TBC1D9: variants seen among roughly 807,000 people sequenced by gnomAD.
The protein encoded by TBC1D9 is TBC1 domain family member 9A.
A neutral mutation model predicts 132.0 loss-of-function variants in TBC1D9; 63 were observed. The observed-to-expected ratio is 0.48, with a 90% CI of 0.39 to 0.59. TBC1D9 has a LOEUF of 0.59. TBC1D9 is among the 20% of genes least tolerant of loss of function. The pLI is 0.00. For synonymous variants in TBC1D9, 610 were observed against 609.9 expected (o/e 1.00, Z 0.00); for missense variants, 1,261 against 1,592.7 (o/e 0.79, Z 3.54).
In TBC1D9 at chr4:140,662,009, C is replaced by T; in HGVS notation, c.1687G>A (p.Asp563Asn). Residue 563 changes from aspartate (D) to asparagine (N), a missense_variant, in exon 10 of 21, where the codon GAT becomes AAT. Asp to Asn is a conservative substitution (Grantham distance 23, BLOSUM62 1). This residue lies in a region of TBC1D9 where 93 missense variants were observed against 169.2 expected (regional missense o/e 0.55). Coordinates refer to ENST00000442267, the MANE Select transcript of TBC1D9 (RefSeq NM_015130.3). ...YNLATEEIER[D>N]LHRSLPEHPA... ...TGTTCTGGAAGGGAGCGGTGTAAAT[C>T]CCTCTCAATCTCCTCCGTGGCGAGA... is the stretch of plus-strand genomic sequence containing the variant. 6.2e-7 allele frequency: 1 copy of T among 1,613,936 alleles called. No homozygotes were observed. The highest frequency in any genetic ancestry group is 8.5e-7 in the Non-Finnish European group (1 of 1,179,852).
In TBC1D9 at chr4:140,657,993, C is replaced by T. The variant is rs79754746; in HGVS notation, c.1922-181G>A. Among the ~76,000 whole-genome samples the T allele has an allele frequency of 9.8e-3, 1,499 of 152,322 alleles. 10 individuals carry two copies. The highest frequency in any genetic ancestry group is 0.017 in the Non-Finnish European group (1,139 of 68,028). Reference sequence around the variant, plus strand: ...TCAGTCACCAGATTAGTTCTGGCTGCATCTTCTCTTTCTGGGCTCTTCCTG... The same window carrying T: ...TCAGTCACCAGATTAGTTCTGGCTGTATCTTCTCTTTCTGGGCTCTTCCTG... On this transcript the variant is annotated intron_variant, in intron 11 of 20. Transcript: ENST00000442267.
At chr4:140,700,474 C>G (rs11933734) in intron 2 of TBC1D9, among the ~76,000 whole-genome samples, 77,329 of 151,330 alleles carry the variant, frequency 0.51, 22,689 homozygotes, top group African/African-American at 0.8. Flanking sequence ...AAAAAACTTG[C>G]CCAGTTTGGA....
chr4:140,640,657 T>C (rs987279270), intron 13 of TBC1D9, among the ~76,000 whole-genome samples: 1 of 152,180 alleles, frequency 6.6e-6, no homozygotes, highest in Non-Finnish European at 1.5e-5. Context: ...AAACTGAGTT[T>C]GGGGTCCTGA....
chr4:140,743,100 C>A (rs1738786229), intron 1 of TBC1D9, among the ~76,000 whole-genome samples: 1 of 152,092 alleles, frequency 6.6e-6, no homozygotes, highest in African/African-American at 2.4e-5. Context: ...GGTTGCTGAT[C>A]AAAAATTATC....
intron 1 of TBC1D9, among the ~76,000 whole-genome samples, chr4:140,707,847 G>A (rs779083978): frequency 3.3e-5 from 5 of 151,882 alleles, no homozygotes; most frequent in African/African-American, 7.3e-5. Flanking sequence ...TCTCCGGCAC[G>A]CTCCCAACCA....
intron 13 of TBC1D9, among the ~76,000 whole-genome samples, chr4:140,647,619 A>G (rs1463743558): frequency 6.6e-6 from 1 of 152,204 alleles, no homozygotes; most frequent in African/African-American, 2.4e-5. Flanking sequence ...AATCTTTTGC[A>G]GGGTGCCAAG....
intron 1 of TBC1D9, among the ~76,000 whole-genome samples, chr4:140,753,795 CAAAT>C (rs2111089164): frequency 6.6e-6 from 1 of 152,232 alleles, no homozygotes; most frequent in East Asian, 1.9e-4. Flanking sequence ...AAGTTGCCAA[CAAAT>C]ATTTGTTAAA....
At chr4:140,636,987 T>C (rs1578816841) in intron 15 of TBC1D9, among the ~76,000 whole-genome samples, 2 of 152,264 alleles carry the variant, frequency 1.3e-5, no homozygotes, top group South Asian at 4.1e-4. Flanking sequence ...CTCAGCATAT[T>C]CTCAGGGTTC....
At chr4:140,688,070 T>C (rs1737815208) in intron 2 of TBC1D9, among the ~76,000 whole-genome samples, 1 of 151,534 alleles carries the variant, frequency 6.6e-6, no homozygotes, top group East Asian at 1.9e-4. Context: ...GCTTTGACAA[T>C]GACACAGTGA....
At chr4:140,624,263 A>G in intron 19 of TBC1D9, 44 bp from the exon 20 acceptor site, 1 of 1,611,162 alleles carries the variant, frequency 6.2e-7, no homozygotes, top group Non-Finnish European at 8.5e-7. Flanking sequence ...AGGCCAAAAA[A>G]CAAGTGTACA....
chr4:140,654,490 G>A lies in TBC1D9; in HGVS notation c.2337+2607C>T, dbSNP rs988336743. On this transcript the variant is annotated intron_variant, in intron 13 of 20. Coordinates refer to ENST00000442267, the MANE Select transcript of TBC1D9 (RefSeq NM_015130.3). ...AGAAAGGGGTGGGGGGGGGTACTAC[G>A]AATTAAAGAATAAAAGATTGATCAG... Among the ~76,000 whole-genome samples the A allele has an allele frequency of 5.3e-5, 8 of 149,902 alleles. No homozygotes were observed. In the East Asian group the frequency reaches 1.0e-3, roughly 19 times the overall value.
At position 140,622,220 on chromosome 4, in the gene TBC1D9, T is replaced by A. The variant is rs770618530; in HGVS notation, c.3776A>T (p.Tyr1259Phe). ...MGKPLTSASD[Y>F]EISAMSG ...TCAGCCGGACATGGCCGAGATTTCA[T>A]AGTCACTGGCCGAGGTGAGGGGCTT... The change falls in exon 21 of 21, where the codon TAT becomes TTT. Residue 1259 changes from tyrosine to phenylalanine, a missense_variant. By Grantham distance (22) the Tyr-to-Phe change is conservative. Coordinates refer to ENST00000442267, the MANE Select transcript of TBC1D9 (RefSeq NM_015130.3). 1 of 1,587,256 alleles carries A rather than the reference T, an allele frequency of 6.3e-7. No individual in the cohort carries two copies. The highest frequency in any genetic ancestry group is 8.6e-7 in the Non-Finnish European group (1 of 1,158,182).
chr4:140,697,408 C>T (rs1227766637), intron 2 of TBC1D9, among the ~76,000 whole-genome samples: 1 of 151,938 alleles, frequency 6.6e-6, no homozygotes, highest in African/African-American at 2.4e-5. Flanking sequence ...TGCAACAAAA[C>T]ACAACAACAA....
intron 13 of TBC1D9, chr4:140,642,408 C>T (rs1358462404): frequency 2.3e-6 from 2 of 872,802 alleles, no homozygotes; most frequent in Non-Finnish European, 3.8e-6. Context: ...GGCCCTTGGC[C>T]AGCACCTTCC....
At chr4:140,671,805 G>T (rs1349114173) in intron 6 of TBC1D9, among the ~76,000 whole-genome samples, 3 of 151,484 alleles carry the variant, frequency 2.0e-5, no homozygotes, top group African/African-American at 7.3e-5. Context: ...CTAGAAACTA[G>T]GATAAACGCA....
Position 140,669,007 on chromosome 4 carries a change from T to C in TBC1D9, c.1498A>G (p.Ile500Val), listed in dbSNP as rs758540999. ...KIHFAEYGQG[I>V]CMYRTEKTRE... ...GTTTTCTCTGTGCGGTACATGCAGA[T>C]CCCTTGCCCATACTCAGCAAAGTGA... is the stretch of plus-strand genomic sequence containing the variant. Residue 500 changes from isoleucine to valine, a missense_variant, in exon 9 of 21, where the codon ATC (isoleucine) becomes GTC (valine). Ile to Val is a conservative substitution (Grantham distance 29). This residue lies in a region of TBC1D9 where 550 missense variants were observed against 699.0 expected (regional missense o/e 0.79). Transcript: ENST00000442267. 1.2e-6 allele frequency: 2 copies of C among 1,613,858 alleles called. No homozygotes were observed. Among genetic ancestry groups the C allele is most frequent in the African/African-American group, 2.7e-5 (2 of 74,914 alleles).
chr4:140,643,493 C>A, intron 13 of TBC1D9: 1 of 875,722 alleles, frequency 1.1e-6, no homozygotes, highest in Non-Finnish European at 1.9e-6. Context: ...CAGGCACGGC[C>A]TCCCGGGGCT....
chr4:140,667,725 C>T (rs1241040921), intron 9 of TBC1D9, among the ~76,000 whole-genome samples: 1 of 151,918 alleles, frequency 6.6e-6, no homozygotes, highest in African/African-American at 2.4e-5. Flanking sequence ...CAGCAAGACA[C>T]CTATCTCTAC....
At chr4:140,736,480 C>T (rs1738675724) in intron 1 of TBC1D9, among the ~76,000 whole-genome samples, 1 of 151,956 alleles carries the variant, frequency 6.6e-6, no homozygotes, top group South Asian at 2.1e-4. Flanking sequence ...GGCAGAGGTG[C>T]AGTGAGCCAA....
Sources: allele counts gnomAD v4.1 joint callset (sites outside exome capture counted in the v4.1 genomes callset), GRCh38; gene constraint gnomAD v4.1.1; regional missense constraint gnomAD v4.1.1; transcripts MANE v1.5; gene names NCBI Gene and HGNC (gene_info 2026-07-23, HGNC 2026-07-21).